The following MGST2 variants were observed in gnomAD, a reference collection of about 807,000 sequenced individuals.
MGST2 encodes microsomal glutathione S-transferase 2.
MGST2 carries 9 observed loss-of-function variants against 16.6 expected under a neutral mutation model. The ratio of observed to expected loss-of-function variants is 0.54; its 90% CI spans 0.33 to 0.95. The LOEUF (loss-of-function observed/expected upper bound fraction) is 0.95, where lower values mean the gene tolerates loss of function less well. Ranked by LOEUF, MGST2 falls within the 40% of genes least tolerant of loss-of-function variation. The pLI, the probability that MGST2 is intolerant of heterozygous loss-of-function variation, is 0.03. For synonymous variants in MGST2, 79 were observed against 68.0 expected, an observed-to-expected ratio of 1.16 and a Z score of -0.79; for missense variants, 159 against 175.1, an observed-to-expected ratio of 0.91 and a Z score of 0.52.
At chr4:139,711,559 G>A (rs114016689) in intron 5 of MGST2, among the ~76,000 whole-genome samples, 7 of 152,174 alleles carry the variant, frequency 4.6e-5, no homozygotes, top group African/African-American at 1.4e-4. Context: ...GCACTGGTGG[G>A]AGTGTAGCAG....
At chr4:139,734,168 T>TA (rs1170214331) in intron 5 of MGST2, among the ~76,000 whole-genome samples, 16 of 152,344 alleles carry the variant, frequency 1.1e-4, no homozygotes, top group African/African-American at 3.6e-4. Flanking sequence ...CCGAGGCCAC[T>TA]AACATAATAC....
At chr4:139,754,550 A>T in the MGST2 span, among the ~76,000 whole-genome samples, 1 of 152,236 alleles carries the variant, frequency 6.6e-6, no homozygotes, top group Non-Finnish European at 1.5e-5. Context: ...GCTGAAATGA[A>T]CATTCTTGTA....
intron 2 of MGST2, among the ~76,000 whole-genome samples, chr4:139,689,353 C>T (rs953889043): frequency 6.6e-6 from 1 of 152,168 alleles, no homozygotes; most frequent in Non-Finnish European, 1.5e-5. Flanking sequence ...GACTCATGCT[C>T]TCCTGCCACC....
intron 1 of MGST2, 22 bp downstream of exon 1, chr4:139,666,099 TGTGTGTGCGC>T (rs778225515): frequency 1.4e-5 from 21 of 1,539,754 alleles, no homozygotes; most frequent in African/African-American, 2.1e-5. Flanking sequence ...GGGAAGTTCG[TGTGTGTGCGC>T]GTGTGTGCGT....
chr4:139,729,571 A>G (rs1728619141), intron 5 of MGST2, among the ~76,000 whole-genome samples: 1 of 152,228 alleles, frequency 6.6e-6, no homozygotes, highest in Non-Finnish European at 1.5e-5. Context: ...CACACCTCCT[A>G]TAAGAAAGAG....
intron 5 of MGST2, among the ~76,000 whole-genome samples, chr4:139,711,653 G>A (rs1727746419): frequency 1.3e-5 from 2 of 152,112 alleles, no homozygotes; most frequent in South Asian, 4.1e-4. Flanking sequence ...TGGTTTATCG[G>A]CAAGGTCTTT....
chr4:139,736,186 A>C (rs534725374), intron 5 of MGST2, among the ~76,000 whole-genome samples: 1 of 152,328 alleles, frequency 6.6e-6, no homozygotes, highest in African/African-American at 2.4e-5. Flanking sequence ...AAAGGAAGGA[A>C]TCTTTAGCCC....
downstream of MGST2, among the ~76,000 whole-genome samples, chr4:139,742,843 T>C (rs1189915034): frequency 1.3e-5 from 2 of 152,230 alleles, no homozygotes; most frequent in Non-Finnish European, 2.9e-5. Flanking sequence ...TTTTTGACTA[T>C]AACAATAGAG....
intron 1 of MGST2, among the ~76,000 whole-genome samples, chr4:139,667,580 C>A (rs931091907): frequency 6.6e-6 from 1 of 152,110 alleles, no homozygotes; most frequent in East Asian, 1.9e-4. Flanking sequence ...GGTGTTAGGG[C>A]CGGGCACGGT....
intron 5 of MGST2, chr4:139,730,407 G>T: frequency 6.5e-7 from 1 of 1,546,750 alleles, no homozygotes; most frequent in Non-Finnish European, 8.7e-7. Context: ...ACGCCAAGGG[G>T]CATGTTACCT....
In MGST2 at chr4:139,735,113, T is replaced by C. The variant is rs563722185; in HGVS notation, c.*49-5099T>C. On this transcript the variant is annotated intron_variant, in intron 5 of 5. Transcript: ENST00000616265. This position sits in a 1 kb window ranked among gnomAD's most constrained non-coding sequence, Gnocchi z 5.8. ...CGCGTCTGGGCGAGCGCTGCGAACG[T>C]GGAGCCAGGCAGTCAAGTGTTACTG... is the stretch of plus-strand genomic sequence containing the variant. 6.6e-6 allele frequency among the ~76,000 whole-genome samples: 1 copy of C among 152,242 alleles called. No homozygotes were observed. The highest frequency in any genetic ancestry group is 1.5e-5 in the Non-Finnish European group (1 of 67,986).
At chr4:139,696,083 A>G (rs1480158125) in intron 3 of MGST2, among the ~76,000 whole-genome samples, 1 of 152,236 alleles carries the variant, frequency 6.6e-6, no homozygotes, top group Non-Finnish European at 1.5e-5. Flanking sequence ...AGTAAGAACA[A>G]ATATTTACTA....
At chr4:139,736,445 G>A (rs1728949658) in intron 5 of MGST2, among the ~76,000 whole-genome samples, 1 of 152,162 alleles carries the variant, frequency 6.6e-6, no homozygotes, top group African/African-American at 2.4e-5. Flanking sequence ...GCGCCTGGCT[G>A]TGACTCCCAG....
rs75304873 is a variant in MGST2 at position 139,668,853 on chromosome 4, G to A, written c.58+2776G>A. Among the ~76,000 whole-genome samples, 1,146 of 152,156 alleles carry A rather than the reference G, an allele frequency of 7.5e-3. 14 individuals are homozygous for A. The highest frequency in any genetic ancestry group is 0.027 in the African/African-American group (1,104 of 41,490). On this transcript the variant is annotated intron_variant, in intron 1 of 4. Transcript: ENST00000265498. ...TGGTTTGGCCAGGGATATTCCTTGG[G>A]CTCTGTCAGGATTTGATAGGGATAT... is the stretch of plus-strand genomic sequence containing the variant.
intron 5 of MGST2, among the ~76,000 whole-genome samples, chr4:139,713,867 T>C (rs1159447148): frequency 2.0e-5 from 3 of 152,202 alleles, no homozygotes; most frequent in Admixed American, 1.3e-4. Flanking sequence ...AATATGAAAG[T>C]GCACGATCTT....
chr4:139,730,654 A>T, intron 5 of MGST2: 2 of 1,612,336 alleles, frequency 1.2e-6, no homozygotes, highest in Non-Finnish European at 1.7e-6. Context: ...GGGAAGTCCA[A>T]CTGGATGCTG....
chr4:139,686,993 C>T (rs961775865), intron 2 of MGST2, among the ~76,000 whole-genome samples: 5 of 152,292 alleles, frequency 3.3e-5, no homozygotes, highest in East Asian at 3.9e-4. Flanking sequence ...TTATTTTGCT[C>T]TCCCTCCTCT....
intron 2 of MGST2, among the ~76,000 whole-genome samples, chr4:139,689,106 CAAAAA>C (rs746270352): frequency 1.6e-5 from 1 of 62,396 alleles, no homozygotes; most frequent in Non-Finnish European, 3.0e-5. Flanking sequence ...GACGCCATCT[CAAAAA>C]AAAAAAAAAA....
chr4:139,733,471 A>G (rs1728804858), intron 5 of MGST2, among the ~76,000 whole-genome samples: 1 of 151,142 alleles, frequency 6.6e-6, no homozygotes, highest in South Asian at 2.1e-4. Context: ...AGAAAGAGAG[A>G]GGCAAATGGG....
Sources: gnomAD v4.1 joint callset for allele counts (sites outside exome capture counted in the v4.1 genomes callset) on GRCh38, gnomAD v4.1.1 for gene constraint, Gnocchi (gnomAD v3.1) non-coding constraint, MANE v1.5 for transcripts, NCBI Gene and HGNC (gene_info 2026-07-23, HGNC 2026-07-21) for gene names.